The following COL14A1 variants were observed in gnomAD, a reference collection of about 807,000 sequenced individuals.
The protein encoded by COL14A1 is collagen alpha-1(XIV) chain.
COL14A1 carries 136 observed loss-of-function variants against 230.3 expected under a neutral mutation model. The ratio of observed to expected loss-of-function variants is 0.59; its 90% CI spans 0.51 to 0.68. COL14A1 has a LOEUF of 0.68. COL14A1 is among the 30% of genes least tolerant of loss of function. The pLI is 0.00. For missense variants in COL14A1, 1,976 were observed against 2,215.8 expected (o/e 0.89, Z 2.17); for synonymous variants, 792 against 784.1 (o/e 1.01, Z -0.17).
At chr8:120,142,126 C>T (rs990754350) in intron 1 of COL14A1, among the ~76,000 whole-genome samples, 1 of 151,438 alleles carries the variant, frequency 6.6e-6, no homozygotes, top group Non-Finnish European at 1.5e-5. Flanking sequence ...CCTTTCTTTT[C>T]CTTGCTTTGT....
At chr8:120,186,726 T>C (rs1442376011) in intron 5 of COL14A1, among the ~76,000 whole-genome samples, 2 of 152,226 alleles carry the variant, frequency 1.3e-5, no homozygotes, top group Non-Finnish European at 2.9e-5. Flanking sequence ...GGCTCATTTC[T>C]CTAGTGCCCT....
chr8:120,152,806 G>A (rs940308819), intron 2 of COL14A1, among the ~76,000 whole-genome samples: 12 of 152,144 alleles, frequency 7.9e-5, no homozygotes, highest in African/African-American at 2.7e-4. Flanking sequence ...TTCTAGCGAT[G>A]TTTGTTTTGG....
chr8:120,283,283 C>A (rs1820095472), intron 31 of COL14A1, among the ~76,000 whole-genome samples: 1 of 152,142 alleles, frequency 6.6e-6, no homozygotes, highest in Non-Finnish European at 1.5e-5. Context: ...TAGTTTATTA[C>A]ATGAAAACCT....
At chr8:120,306,640 G>GA (rs35553624) in intron 36 of COL14A1, among the ~76,000 whole-genome samples, 118 of 152,032 alleles carry the variant, frequency 7.8e-4, no homozygotes, top group African/African-American at 2.7e-3. Context: ...CTCTCTTATT[G>GA]AAAAAATGAG....
At chr8:120,238,050 A>T (rs528302456) in intron 19 of COL14A1, among the ~76,000 whole-genome samples, 3 of 151,280 alleles carry the variant, frequency 2.0e-5, no homozygotes, top group African/African-American at 2.4e-5. Flanking sequence ...GTGTCTGTCG[A>T]CTCCTGGTGT....
At chr8:120,223,897 A>C (rs1015426553) in intron 14 of COL14A1, among the ~76,000 whole-genome samples, 1 of 151,924 alleles carries the variant, frequency 6.6e-6, no homozygotes, top group Non-Finnish European at 1.5e-5. Flanking sequence ...GGCCCCATAT[A>C]TGTGGTCTAC....
At chr8:120,206,903 T>C in intron 9 of COL14A1, 40 bp from the exon 10 acceptor site, 2 of 1,548,148 alleles carry the variant, frequency 1.3e-6, no homozygotes, top group South Asian at 2.5e-5. Context: ...AAGAAATAAC[T>C]TTGGGTAAGA....
intron 1 of COL14A1, among the ~76,000 whole-genome samples, chr8:120,146,414 C>T (rs1815090653): frequency 6.7e-6 from 1 of 148,458 alleles, no homozygotes; most frequent in African/African-American, 2.4e-5. Flanking sequence ...AATTTTTAAG[C>T]CAAATTCAGC....
chr8:120,135,225 A>G (rs1034482906), intron 1 of COL14A1, among the ~76,000 whole-genome samples: 2 of 152,166 alleles, frequency 1.3e-5, no homozygotes, highest in Non-Finnish European at 2.9e-5. Flanking sequence ...ATAAACTGGC[A>G]TAATCTCTCT....
chr8:120,163,481 A>G (rs1018051520), intron 4 of COL14A1, among the ~76,000 whole-genome samples: 1 of 152,202 alleles, frequency 6.6e-6, no homozygotes, highest in African/African-American at 2.4e-5. Flanking sequence ...TGGTCCACAC[A>G]GGCTGGGTGC....
intron 40 of COL14A1, among the ~76,000 whole-genome samples, chr8:120,322,372 G>A (rs1472227326): frequency 6.6e-6 from 1 of 152,050 alleles, no homozygotes. Context: ...ATGCACTCTG[G>A]AACTTAAAAT....
chr8:120,313,962 C>G lies in COL14A1; in HGVS notation c.4486C>G (p.Leu1496Val), dbSNP rs114758925. The change falls in exon 38 of 48, where the codon CTG becomes GTG. Residue 1496 changes from leucine to valine, a missense_variant. By Grantham distance (32) the Leu-to-Val change is conservative (BLOSUM62 1). Transcript: ENST00000297848. ...AGATGGCCCTCGGGGTGAAATTGGT[C>G]TGCCAGGACCTCAGGGTCCACCTGG... ...GPDGPRGEIG[L>V]PGPQGPPGPQ... 2 of 1,612,532 alleles carry G rather than the reference C, an allele frequency of 1.2e-6. No individual in the cohort carries two copies. Among genetic ancestry groups the G allele is most frequent in the Non-Finnish European group, 1.7e-6 (2 of 1,179,316 alleles).
chr8:120,332,806 C>T, intron 42 of COL14A1, 71 bp downstream of exon 42: 1 of 1,251,126 alleles, frequency 8.0e-7, no homozygotes. Context: ...TTAAATTTAC[C>T]AGCCTTTCTG....
chr8:120,126,191 G>C (rs931806537), intron 1 of COL14A1, among the ~76,000 whole-genome samples: 24 of 152,364 alleles, frequency 1.6e-4, no homozygotes, highest in African/African-American at 5.8e-4. Context: ...GGCATCCGGG[G>C]CAGCTGGGCT....
chr8:120,358,587 C>T (rs1823071141), intron 45 of COL14A1, among the ~76,000 whole-genome samples: 1 of 151,296 alleles, frequency 6.6e-6, no homozygotes, highest in African/African-American at 2.4e-5. Context: ...CCTTTCAAGT[C>T]GTCATCGTGT....
chr8:120,268,327 T>G (rs1003736625), intron 25 of COL14A1, among the ~76,000 whole-genome samples: 1 of 151,742 alleles, frequency 6.6e-6, no homozygotes, highest in African/African-American at 2.4e-5. Flanking sequence ...CTATTGGAAC[T>G]AGAAACAGAA....
intron 45 of COL14A1, among the ~76,000 whole-genome samples, chr8:120,348,947 C>T (rs1822642208): frequency 6.6e-6 from 1 of 152,208 alleles, no homozygotes. Flanking sequence ...CCTTGGGTTT[C>T]ATTACCTTAG....
At position 120,270,165 on chromosome 8, in the gene COL14A1, T is replaced by A. The variant is rs1383096982; in HGVS notation, c.3204T>A (p.Asp1068Glu). The stretch of plus-strand genomic sequence containing the variant: ...GAGCCCTGAACAAGATTGGCACAGA[T>A]GGAACCCAAGTAAGGCTAATAAATA... Reference protein sequence around the residue: ...TVGALNKIGTDGTQVAMVQFT... With the variant: ...TVGALNKIGTEGTQVAMVQFT... Residue 1068 changes from aspartate to glutamate, a missense_variant, in exon 26 of 48, where the codon GAT becomes GAA. Transcript: ENST00000297848. The A allele has an allele frequency of 5.6e-6, 9 of 1,610,374 alleles. No individual in the cohort carries two copies. The highest frequency in any genetic ancestry group is 7.6e-6 in the Non-Finnish European group (9 of 1,177,832).
chr8:120,144,521 G>C (rs1271607858), intron 1 of COL14A1, among the ~76,000 whole-genome samples: 1 of 152,066 alleles, frequency 6.6e-6, no homozygotes, highest in African/African-American at 2.4e-5. Flanking sequence ...AAAATTCTTA[G>C]TAAAAAGACA....
Sources: gnomAD v4.1 joint callset for allele counts (sites outside exome capture counted in the v4.1 genomes callset) on GRCh38, gnomAD v4.1.1 for gene constraint, MANE v1.5 for transcripts, NCBI Gene and HGNC (gene_info 2026-07-23, HGNC 2026-07-21) for gene names.